C6: variants seen among roughly 807,000 people sequenced by gnomAD.
The protein encoded by C6 is complement C6.
In C6, 101 loss-of-function variants were observed where a neutral mutation model predicts 112.9. The observed-to-expected ratio is 0.89, with a 90% CI of 0.76 to 1.06. C6 has a LOEUF of 1.06. Ranked by LOEUF, C6 falls within the 50% of genes least tolerant of loss-of-function variation. The pLI is 0.00. For synonymous variants in C6, 431 were observed against 384.1 expected, an observed-to-expected ratio of 1.12 and a Z score of -1.43; for missense variants, 1,202 against 1,104.6, an observed-to-expected ratio of 1.09 and a Z score of -1.25.
At chr5:41,201,314 G>A (rs937449766) in intron 3 of C6, among the ~76,000 whole-genome samples, 15 of 152,126 alleles carry the variant, frequency 9.9e-5, no homozygotes, top group African/African-American at 2.9e-4. Context: ...TCAGAACTGG[G>A]TAAGTACAAT....
chr5:41,244,520 G>T (rs1349945051), intron 1 of C6, among the ~76,000 whole-genome samples: 2 of 152,140 alleles, frequency 1.3e-5, no homozygotes, highest in East Asian at 3.9e-4. Flanking sequence ...TTGCTATGTA[G>T]CTTCTATGCA....
chr5:41,181,575 T>C lies in C6; in HGVS notation c.727-16A>G, dbSNP rs756509990. 2 of 1,597,942 alleles carry C rather than the reference T, an allele frequency of 1.3e-6. No homozygotes were observed. Among genetic ancestry groups the C allele is most frequent in the Non-Finnish European group, 1.7e-6 (2 of 1,166,874 alleles). ...CAGTTTGTACCTGGAGAAAAATCCA[T>C]GTAAAATAAAATATAATTTAGGAAA... On this transcript the variant is annotated splice_polypyrimidine_tract_variant and intron_variant, in intron 6 of 17. Transcript: ENST00000337836.
chr5:41,153,757 AAT>A lies in C6; in HGVS notation c.2290+51_2290+52del, dbSNP rs970676546. On this transcript the variant is annotated intron_variant, in intron 15 of 17. Coordinates refer to ENST00000337836, the MANE Select transcript of C6 (RefSeq NM_000065.5). ...TAATGGCTATAGAGGCTATACTACCAATCTCAGGGTGCACCACCTTATCAGAC... is the reference window on the plus strand; with the variant it reads ...TAATGGCTATAGAGGCTATACTACCACTCAGGGTGCACCACCTTATCAGAC... 6.8e-6 allele frequency: 9 copies of A among 1,329,340 alleles called. No individual in the cohort carries two copies. In the African/African-American group the frequency reaches 1.0e-4, roughly 15 times the overall value. 82.3% of individuals were successfully genotyped at this position (1,329,340 alleles called of 1,614,324 possible).
chr5:41,240,365 C>T (rs1173832201), intron 1 of C6, among the ~76,000 whole-genome samples: 4 of 152,104 alleles, frequency 2.6e-5, no homozygotes, highest in Admixed American at 2.6e-4. Context: ...ATTCTTGAGC[C>T]TCCAGGTGGC....
In C6 at chr5:41,187,245, G is replaced by A. The variant is rs183185080; in HGVS notation, c.588-1037C>T. Among the ~76,000 whole-genome samples the A allele has an allele frequency of 2.4e-4, 37 of 152,212 alleles. No homozygotes were observed. The East Asian group carries it at 6.4e-3, about 26-fold the overall frequency. ...AGTACACCCATCCCTTCTGATAGTT[G>A]TGGGGGCTCAAGGGAACTCTAAACA... is the stretch of plus-strand genomic sequence containing the variant. On this transcript the variant is annotated intron_variant, in intron 5 of 17. Transcript: ENST00000337836.
Position 41,202,991 on chromosome 5 carries a change from A to G in C6, c.143+97T>C. 9.8e-6 allele frequency: 11 copies of G among 1,124,964 alleles called. 1 individual carries two copies. The South Asian group carries it at 1.2e-4, about 13-fold the overall frequency. 69.7% of individuals were successfully genotyped at this position (1,124,964 alleles called of 1,614,324 possible). ...TTTGTAAGTTCTTACTTTGATATAT[A>G]TATGTTCCCATTGCTTAGTGTTGCA... On this transcript the variant is annotated intron_variant, in intron 2 of 17. Transcript: ENST00000337836.
chr5:41,239,919 A>G (rs1740591186), intron 1 of C6, among the ~76,000 whole-genome samples: 1 of 152,102 alleles, frequency 6.6e-6, no homozygotes, highest in Non-Finnish European at 1.5e-5. Context: ...ATCACTTTGT[A>G]TATATCATCC....
At chr5:41,217,700 A>G (rs956299091), upstream of C6, among the ~76,000 whole-genome samples, 6 of 152,318 alleles carry the variant, frequency 3.9e-5, no homozygotes, top group African/African-American at 1.4e-4. Context: ...CTGGTCTAAC[A>G]TAGTAATAGA....
chr5:41,225,940 C>A (rs993140349), intron 1 of C6, among the ~76,000 whole-genome samples: 2 of 152,100 alleles, frequency 1.3e-5, no homozygotes, highest in Non-Finnish European at 2.9e-5. Flanking sequence ...ACACCTTATA[C>A]AAAAATTAAT....
In C6 at chr5:41,201,543, C is replaced by G; in HGVS notation, c.300+15G>C. 2 of 1,612,726 alleles carry G rather than the reference C, an allele frequency of 1.2e-6. No individual in the cohort carries two copies. Among genetic ancestry groups the G allele is most frequent in the Non-Finnish European group, 1.7e-6 (2 of 1,179,106 alleles). ...TTGTGATTCATATTTCCTGGAAATGCCCATGGTTGCCTACCTGTTTTTCAA... is the reference window on the plus strand; with the variant it reads ...TTGTGATTCATATTTCCTGGAAATGGCCATGGTTGCCTACCTGTTTTTCAA... On this transcript the variant is annotated intron_variant, in intron 3 of 17. Transcript: ENST00000337836.
intron 16 of C6, 131 bp from the exon 17 acceptor site, chr5:41,149,613 T>A: frequency 1.8e-6 from 2 of 1,126,236 alleles, no homozygotes; most frequent in Non-Finnish European, 2.6e-6. Flanking sequence ...CTCCAAGCCC[T>A]GGGCTTGAGT....
intron 1 of C6, among the ~76,000 whole-genome samples, chr5:41,228,907 A>C (rs913222687): frequency 1.3e-5 from 2 of 152,110 alleles, no homozygotes; most frequent in Non-Finnish European, 2.9e-5. Flanking sequence ...AGGAATATTG[A>C]CCTGTAGTTT....
rs148768872 is a variant in C6 at position 41,172,347 on chromosome 5, C to T, written c.1169G>A (p.Gly390Asp). Reference protein sequence around the residue: ...QFSSEELKNSGLTEEEAKHCV... With the variant: ...QFSSEELKNSDLTEEEAKHCV... Reference sequence around the variant, plus strand: ...GTGTTTGGCTTCTTCCTCGGTTAAACCTAGGAGATGAAGTACAAACAGAAA... The same window carrying T: ...GTGTTTGGCTTCTTCCTCGGTTAAATCTAGGAGATGAAGTACAAACAGAAA... Residue 390 changes from glycine (G) to aspartate (D), a missense_variant and splice_region_variant, in exon 9 of 18, where the codon GGT (glycine) becomes GAT (aspartate). Coordinates refer to ENST00000337836, the MANE Select transcript of C6 (RefSeq NM_000065.5). The T allele has an allele frequency of 8.6e-5, 138 of 1,613,464 alleles. No homozygotes were observed. In the African/African-American group the frequency reaches 1.7e-3, roughly 20 times the overall value.
At chr5:41,191,011 A>C (rs1488856436) in intron 5 of C6, among the ~76,000 whole-genome samples, 1 of 148,820 alleles carries the variant, frequency 6.7e-6, no homozygotes, top group East Asian at 2.0e-4. Context: ...ATAGCTTTGT[A>C]ACATGTAACA....
At position 41,172,263 on chromosome 5, in the gene C6, T is replaced by C; in HGVS notation, c.1253A>G (p.His418Arg). ...TGACAGCTTGTTGGTGGTGCACCTA[T>C]GTTCCACTTTTGTTTTCTTAGCAAA... ...VLFAKKTKVE[H>R]RCTTNKLSEK... is the part of the protein sequence containing the mutation. The change falls in exon 9 of 18, where the codon CAT becomes CGT. Residue 418 changes from histidine to arginine, a missense_variant. By Grantham distance (29) the His-to-Arg change is conservative. Coordinates refer to ENST00000337836, the MANE Select transcript of C6 (RefSeq NM_000065.5). 3 of 1,613,814 alleles carry C rather than the reference T, an allele frequency of 1.9e-6. No individual in the cohort carries two copies. The highest frequency in any genetic ancestry group is 2.5e-6 in the Non-Finnish European group (3 of 1,179,752).
At position 41,167,100 on chromosome 5, in the gene C6, G is replaced by A. The variant is rs59005881; in HGVS notation, c.1291+5125C>T. 1.9e-3 allele frequency among the ~76,000 whole-genome samples: 291 copies of A among 151,982 alleles called. 1 individual carries two copies. Among genetic ancestry groups the A allele is most frequent in the African/African-American group, 6.2e-3 (257 of 41,464 alleles). On this transcript the variant is annotated intron_variant, in intron 9 of 17. Transcript: ENST00000337836. ...CTCTATTATTTCTCTCATAATTGAA[G>A]CTGAATCATGGGCTTTCTATATATA...
chr5:41,143,107 A>G lies in C6; in HGVS notation c.2624-101T>C, dbSNP rs1004640773. On this transcript the variant is annotated intron_variant, in intron 17 of 17. Coordinates refer to ENST00000337836, the MANE Select transcript of C6 (RefSeq NM_000065.5). ...GGTGGCGAGCTCCTTGATGGTGTTAAATTAAGTTTGGTCTAAAGCTTTCTC... is the reference window on the plus strand; with the variant it reads ...GGTGGCGAGCTCCTTGATGGTGTTAGATTAAGTTTGGTCTAAAGCTTTCTC... The G allele has an allele frequency of 2.8e-6, 3 of 1,057,296 alleles. No individual in the cohort carries two copies. In the African/African-American group the frequency reaches 4.7e-5, roughly 16 times the overall value. 65.5% of individuals were successfully genotyped at this position (1,057,296 alleles called of 1,614,324 possible).
At chr5:41,153,717 A>T in intron 15 of C6, 93 bp downstream of exon 15, 1 of 965,120 alleles carries the variant, frequency 1.0e-6, no homozygotes, top group Non-Finnish European at 1.7e-6. Context: ...TTAGCCTCTC[A>T]GTGCTTAAGA....
intron 9 of C6, among the ~76,000 whole-genome samples, chr5:41,168,484 C>A (rs1040963079): frequency 6.6e-6 from 1 of 152,156 alleles, no homozygotes; most frequent in African/African-American, 2.4e-5. Context: ...ACCAGGGACA[C>A]CTTCTCTACT....
Sources: gnomAD v4.1 joint callset for allele counts (sites outside exome capture counted in the v4.1 genomes callset) on GRCh38, gnomAD v4.1.1 for gene constraint, MANE v1.5 for transcripts, NCBI Gene and HGNC (gene_info 2026-07-23, HGNC 2026-07-21) for gene names.